Variants in CHCHD6 observed in about 807,000 individuals in gnomAD.
CHCHD6 encodes MICOS complex subunit MIC25.
A neutral mutation model predicts 32.3 loss-of-function variants in CHCHD6; 28 were observed. The observed-to-expected ratio is 0.87, with a 90% CI of 0.64 to 1.19. The LOEUF is 1.19. Among genes scored for constraint, CHCHD6 ranks in the 50% most tolerant of loss-of-function variants. CHCHD6 has a pLI of 0.00. For synonymous variants in CHCHD6, 122 were observed against 117.5 expected (o/e 1.04, Z -0.25); for missense variants, 333 against 307.0 (o/e 1.08, Z -0.63).
chr3:126,741,557 G>A (rs1248144152), intron 4 of CHCHD6, among the ~76,000 whole-genome samples: 8 of 152,118 alleles, frequency 5.3e-5, no homozygotes, highest in South Asian at 2.1e-4. Context: ...TGCCTGTGTC[G>A]CCTGGCTCTC....
chr3:126,744,100 A>G (rs1008828937), intron 4 of CHCHD6, among the ~76,000 whole-genome samples: 1 of 152,156 alleles, frequency 6.6e-6, no homozygotes, highest in Non-Finnish European at 1.5e-5. Flanking sequence ...CAGCCCTAGG[A>G]CAACCTGACA....
chr3:126,873,743 T>A (rs2077506641), intron 5 of CHCHD6, among the ~76,000 whole-genome samples: 1 of 152,208 alleles, frequency 6.6e-6, no homozygotes, highest in African/African-American at 2.4e-5. Flanking sequence ...ATGGCTCCCT[T>A]TGTTTGAGTG....
chr3:126,808,047 A>G (rs1030543245), intron 4 of CHCHD6, among the ~76,000 whole-genome samples: 1 of 152,246 alleles, frequency 6.6e-6, no homozygotes, highest in African/African-American at 2.4e-5. Flanking sequence ...TTTTGTGGGC[A>G]TAGCTGATTC....
At chr3:126,823,041 G>A (rs2107537385) in intron 4 of CHCHD6, among the ~76,000 whole-genome samples, 1 of 152,174 alleles carries the variant, frequency 6.6e-6, no homozygotes, top group Admixed American at 6.5e-5. Context: ...GGGTAGCTGG[G>A]ACTACAGGCA....
chr3:126,740,011 G>A (rs900340664), intron 4 of CHCHD6, among the ~76,000 whole-genome samples: 1 of 152,198 alleles, frequency 6.6e-6, no homozygotes, highest in African/African-American at 2.4e-5. Flanking sequence ...TCTTTTGACA[G>A]GCTATTAGTG....
chr3:126,858,140 C>T (rs556492503), intron 5 of CHCHD6, among the ~76,000 whole-genome samples: 178 of 152,304 alleles, frequency 1.2e-3, no homozygotes, highest in Non-Finnish European at 2.1e-3. Flanking sequence ...TCCAGACACA[C>T]TGCTGAGGAA....
chr3:126,840,610 T>G (rs1941034621), intron 4 of CHCHD6, among the ~76,000 whole-genome samples: 2 of 152,172 alleles, frequency 1.3e-5, no homozygotes, highest in Non-Finnish European at 2.9e-5. Context: ...GAGATATGCC[T>G]TTTTATATTA....
intron 1 of CHCHD6, among the ~76,000 whole-genome samples, chr3:126,715,348 A>T (rs1934957970): frequency 6.6e-6 from 1 of 152,098 alleles, no homozygotes; most frequent in Admixed American, 6.5e-5. Flanking sequence ...GACTGCCCTT[A>T]CCTGGAGCCT....
intron 4 of CHCHD6, among the ~76,000 whole-genome samples, chr3:126,819,289 A>G (rs930523569): frequency 6.6e-6 from 1 of 152,174 alleles, no homozygotes; most frequent in East Asian, 1.9e-4. Context: ...GAGCCCATCA[A>G]TCCCAGATTG....
chr3:126,874,562 A>C (rs1241182367), intron 5 of CHCHD6, among the ~76,000 whole-genome samples: 1 of 152,124 alleles, frequency 6.6e-6, no homozygotes, highest in African/African-American at 2.4e-5. Context: ...GGAAATATGC[A>C]ATGAATGGTC....
chr3:126,952,872 G>A (rs1167959372), intron 6 of CHCHD6, among the ~76,000 whole-genome samples: 3 of 152,216 alleles, frequency 2.0e-5, no homozygotes, highest in South Asian at 2.1e-4. Context: ...GACAGGGTGG[G>A]GGCTCTGGGA....
At chr3:126,922,639 G>A (rs201402943) in intron 6 of CHCHD6, among the ~76,000 whole-genome samples, 8,526 of 152,034 alleles carry the variant, frequency 0.056, 296 homozygotes, top group East Asian at 0.16. Context: ...GTGTGTGTGT[G>A]TGTGTGTGTG....
intron 5 of CHCHD6, among the ~76,000 whole-genome samples, chr3:126,893,647 G>A (rs532660104): frequency 5.0e-4 from 76 of 152,330 alleles, no homozygotes; most frequent in African/African-American, 1.8e-3. Context: ...CCTATGAAAG[G>A]AACCCCCAGA....
intron 4 of CHCHD6, among the ~76,000 whole-genome samples, chr3:126,758,167 G>A (rs534756920): frequency 1.3e-5 from 2 of 152,288 alleles, no homozygotes; most frequent in East Asian, 3.9e-4. Context: ...TGATTAAAAG[G>A]CCCCAGCTAA....
chr3:126,952,398 G>A (rs2078727876), intron 6 of CHCHD6, among the ~76,000 whole-genome samples: 1 of 152,242 alleles, frequency 6.6e-6, no homozygotes, highest in African/African-American at 2.4e-5. Context: ...CTGCTGGGCT[G>A]CATGGCAGGC....
chr3:126,950,629 T>A (rs2078702827), intron 6 of CHCHD6, among the ~76,000 whole-genome samples: 1 of 152,168 alleles, frequency 6.6e-6, no homozygotes, highest in African/African-American at 2.4e-5. Flanking sequence ...TTGTGTATTT[T>A]TAGTAGAGAT....
intron 4 of CHCHD6, among the ~76,000 whole-genome samples, chr3:126,781,590 G>A (rs1937945341): frequency 6.6e-6 from 1 of 152,226 alleles, no homozygotes; most frequent in African/African-American, 2.4e-5. Context: ...CAGGCGAGGG[G>A]TCAGGACTGG....
At chr3:126,738,104 C>T (rs190083796) in intron 4 of CHCHD6, among the ~76,000 whole-genome samples, 144 of 152,274 alleles carry the variant, frequency 9.5e-4, no homozygotes, top group African/African-American at 3.2e-3. Flanking sequence ...GTCCTGTTCT[C>T]CTGGTGGCAG....
intron 4 of CHCHD6, among the ~76,000 whole-genome samples, chr3:126,754,512 C>T (rs946044956): frequency 6.6e-6 from 1 of 152,314 alleles, no homozygotes. Context: ...TGGCTGAGCT[C>T]TTTCTAAGGT....
Sources: allele counts gnomAD v4.1 joint callset (sites outside exome capture counted in the v4.1 genomes callset), GRCh38; gene constraint gnomAD v4.1.1; transcripts MANE v1.5; gene names NCBI Gene and HGNC (gene_info 2026-07-23, HGNC 2026-07-21).